Variants in NELL1 observed in about 807,000 individuals in gnomAD.
NELL1 encodes the protein protein kinase C-binding protein NELL1.
In NELL1, 76 loss-of-function variants were observed where a neutral mutation model predicts 107.4. The ratio of observed to expected loss-of-function variants is 0.71; its 90% CI spans 0.59 to 0.86. The LOEUF (loss-of-function observed/expected upper bound fraction) is 0.86, where lower values mean the gene tolerates loss of function less well. Among genes scored for constraint, NELL1 ranks in the 40% least tolerant of loss-of-function variants. The pLI is 0.00. For synonymous variants in NELL1, 353 were observed against 341.2 expected (o/e 1.03, Z -0.38); for missense variants, 1,024 against 1,005.5 (o/e 1.02, Z -0.25).
At chr11:20,900,731 G>A (rs1333012882) in intron 5 of NELL1, among the ~76,000 whole-genome samples, 1 of 152,064 alleles carries the variant, frequency 6.6e-6, no homozygotes, top group African/African-American at 2.4e-5. Flanking sequence ...AATATTATTA[G>A]CAACCTGTTT....
At chr11:21,384,376 T>C (rs1851684861) in intron 15 of NELL1, among the ~76,000 whole-genome samples, 1 of 152,026 alleles carries the variant, frequency 6.6e-6, no homozygotes, top group South Asian at 2.1e-4. Context: ...CCATTCACTG[T>C]GCTCTCCCTC....
chr11:21,094,002 T>G (rs931049377), intron 12 of NELL1, among the ~76,000 whole-genome samples: 1 of 152,162 alleles, frequency 6.6e-6, no homozygotes, highest in African/African-American at 2.4e-5. Flanking sequence ...TAGCATTAAC[T>G]CAAAAGTCCA....
chr11:20,773,835 G>T (rs1856688603), intron 2 of NELL1, among the ~76,000 whole-genome samples: 3 of 152,040 alleles, frequency 2.0e-5, no homozygotes, highest in Admixed American at 6.6e-5. Flanking sequence ...AGGCTTCAGA[G>T]CCTGAGCTCT....
intron 13 of NELL1, among the ~76,000 whole-genome samples, chr11:21,189,362 T>C (rs753148946): frequency 3.0e-4 from 46 of 151,862 alleles, no homozygotes; most frequent in Admixed American, 2.3e-3. Context: ...TATTCCTAGG[T>C]TTATTTATTT....
chr11:20,677,177 C>T lies in NELL1; in HGVS notation c.56-755C>T, dbSNP rs79576093. ...GGATGGAAATATATATCCATTATTC[C>T]AGGGATTCTCCTTCCTGGCCAGTCC... is the stretch of plus-strand genomic sequence containing the variant. On this transcript the variant is annotated intron_variant, in intron 1 of 19. Transcript: ENST00000357134. Among the ~76,000 whole-genome samples the T allele has an allele frequency of 4.7e-3, 719 of 152,242 alleles. 3 individuals are homozygous for T. The highest frequency in any genetic ancestry group is 0.017 in the African/African-American group (689 of 41,544).
intron 13 of NELL1, among the ~76,000 whole-genome samples, chr11:21,122,987 G>T (rs963477769): frequency 4.6e-5 from 7 of 152,038 alleles, no homozygotes; most frequent in African/African-American, 1.4e-4. Context: ...GATAGTTTTG[G>T]AACTTGATCT....
At chr11:21,572,038 A>G (rs756993988) in intron 18 of NELL1, among the ~76,000 whole-genome samples, 2 of 151,836 alleles carry the variant, frequency 1.3e-5, no homozygotes, top group Non-Finnish European at 2.9e-5. Context: ...AATCACTCCT[A>G]TGACTGAGAA....
chr11:20,866,361 A>G (rs1393021716), intron 4 of NELL1, among the ~76,000 whole-genome samples: 3 of 152,216 alleles, frequency 2.0e-5, no homozygotes, highest in African/African-American at 4.8e-5. Context: ...GGTCCAACTC[A>G]TCTGGAAAAC....
rs35403876 is a variant in NELL1, at chr11:20,672,851, A to ATTT, written c.55+3088_55+3090dup. Among the ~76,000 whole-genome samples the ATTT allele has an allele frequency of 9.8e-3, 1,343 of 137,252 alleles. 28 individuals carry two copies. Among genetic ancestry groups the ATTT allele is most frequent in the African/African-American group, 0.032 (1,191 of 36,828 alleles). 90.0% of individuals were successfully genotyped at this position (137,252 alleles called of 152,430 possible). On this transcript the variant is annotated intron_variant, in intron 1 of 19. Coordinates refer to ENST00000357134, the MANE Select transcript of NELL1 (RefSeq NM_006157.5). ...GCTGCCACCTGCTGGAAAGGAGAGA[A>ATTT]TTTTTTTTTTTTTTTTTGAGATGGA...
chr11:21,417,158 G>T (rs537634739), intron 15 of NELL1, among the ~76,000 whole-genome samples: 2 of 152,014 alleles, frequency 1.3e-5, no homozygotes, highest in Non-Finnish European at 2.9e-5. Flanking sequence ...TGTGTTATCC[G>T]AGTGTTTGCT....
chr11:20,760,845 G>T (rs1249820978), intron 2 of NELL1, among the ~76,000 whole-genome samples: 2 of 152,172 alleles, frequency 1.3e-5, no homozygotes, highest in Non-Finnish European at 2.9e-5. Context: ...GTCTGTTAAA[G>T]ATTTAAATGC....
At chr11:21,248,918 T>C (rs1238309580) in intron 14 of NELL1, among the ~76,000 whole-genome samples, 4 of 152,132 alleles carry the variant, frequency 2.6e-5, no homozygotes, top group African/African-American at 9.7e-5. Flanking sequence ...GGAGGGAATC[T>C]GGAAGAACAT....
chr11:21,574,033 A>G (rs1202549290), intron 19 of NELL1, among the ~76,000 whole-genome samples: 3 of 151,838 alleles, frequency 2.0e-5, no homozygotes, highest in African/African-American at 7.2e-5. Flanking sequence ...AGACTAAAAA[A>G]CTGACCATTC....
At chr11:21,364,997 T>G (rs186184472) in intron 14 of NELL1, among the ~76,000 whole-genome samples, 1 of 152,332 alleles carries the variant, frequency 6.6e-6, no homozygotes. Context: ...ATGTCTCTTT[T>G]CCTGTACTTC....
intron 15 of NELL1, among the ~76,000 whole-genome samples, chr11:21,410,385 GCTTAAAACTCT>G (rs1286387664): frequency 6.6e-6 from 1 of 152,012 alleles, no homozygotes; most frequent in Non-Finnish European, 1.5e-5. Flanking sequence ...ATCAGGTTTT[GCTTAAAACTCT>G]CTGAGGAGGA....
chr11:20,954,821 C>T (rs954998596), intron 11 of NELL1, among the ~76,000 whole-genome samples: 4 of 152,138 alleles, frequency 2.6e-5, no homozygotes, highest in African/African-American at 9.7e-5. Flanking sequence ...TACTCAACTC[C>T]GGGCATCATG....
chr11:20,784,554 GTAT>G (rs1008424012), intron 3 of NELL1, among the ~76,000 whole-genome samples: 36 of 152,124 alleles, frequency 2.4e-4, no homozygotes, highest in African/African-American at 8.7e-4. Context: ...GATGGGGCTG[GTAT>G]TATAGAGGTA....
chr11:20,985,040 A>T (rs1851824567), intron 12 of NELL1, among the ~76,000 whole-genome samples: 1 of 152,126 alleles, frequency 6.6e-6, no homozygotes, highest in Admixed American at 6.5e-5. Flanking sequence ...ATGTAAAATA[A>T]TTTTTTTGGA....
chr11:20,709,556 C>G (rs935396605), intron 2 of NELL1, among the ~76,000 whole-genome samples: 6 of 151,888 alleles, frequency 4.0e-5, no homozygotes, highest in Non-Finnish European at 7.4e-5. Context: ...TTTTAGGATT[C>G]TTTTTTCTAG....
Sources: allele counts gnomAD v4.1 joint callset (sites outside exome capture counted in the v4.1 genomes callset), GRCh38; gene constraint gnomAD v4.1.1; transcripts MANE v1.5; gene names NCBI Gene and HGNC (gene_info 2026-07-23, HGNC 2026-07-21).